DUSP16: variants seen among roughly 807,000 people sequenced by gnomAD.
DUSP16 encodes the protein dual specificity phosphatase 16, also known as dual specificity protein phosphatase 16.
DUSP16 carries 21 observed loss-of-function variants against 58.3 expected under a neutral mutation model. That is an observed-to-expected ratio of 0.36 (90% CI 0.26 to 0.52). DUSP16 has a LOEUF of 0.52. Ranked by LOEUF, DUSP16 falls within the 20% of genes least tolerant of loss-of-function variation. The pLI is 0.94. For synonymous variants in DUSP16, 320 were observed against 323.8 expected, an observed-to-expected ratio of 0.99 and a Z score of 0.12; for missense variants, 726 against 819.0, an observed-to-expected ratio of 0.89 and a Z score of 1.39.
In DUSP16 at chr12:12,520,859, G is replaced by A. The variant is rs758698676; in HGVS notation, c.228+12C>T. On this transcript the variant is annotated intron_variant, in intron 2 of 6. Coordinates refer to ENST00000298573, the MANE Select transcript of DUSP16 (RefSeq NM_030640.3). ...CCATTTATTTTGAAAAGGCAAAAAG[G>A]AAAGCGTTTACCTTATGTTTCGCTG... is the stretch of plus-strand genomic sequence containing the variant. The A allele has an allele frequency of 6.2e-7, 1 of 1,613,142 alleles. No individual in the cohort carries two copies. Among genetic ancestry groups the A allele is most frequent in the Non-Finnish European group, 8.5e-7 (1 of 1,179,332 alleles).
intron 1 of DUSP16, among the ~76,000 whole-genome samples, chr12:12,526,827 C>T (rs1013649124): frequency 2.0e-5 from 3 of 152,054 alleles, no homozygotes; most frequent in African/African-American, 4.8e-5. Flanking sequence ...TTCTTTCTAC[C>T]CATGGGTTAT....
At chr12:12,530,169 C>G (rs916482034) in intron 1 of DUSP16, among the ~76,000 whole-genome samples, 1 of 152,070 alleles carries the variant, frequency 6.6e-6, no homozygotes, top group Non-Finnish European at 1.5e-5. Flanking sequence ...ACATCCTTAC[C>G]AACACTGATC....
intron 6 of DUSP16, among the ~76,000 whole-genome samples, chr12:12,478,921 T>G (rs1265226480): frequency 2.0e-5 from 3 of 152,254 alleles, no homozygotes; most frequent in African/African-American, 7.2e-5. Context: ...GCTTATGCAC[T>G]GAATCATCAT....
intron 4 of DUSP16, among the ~76,000 whole-genome samples, chr12:12,492,099 C>T (rs1943768537): frequency 2.0e-5 from 3 of 152,344 alleles, no homozygotes; most frequent in East Asian, 3.9e-4. Flanking sequence ...ACCTAGTCAG[C>T]ACTGCCCATG....
intron 5 of DUSP16, among the ~76,000 whole-genome samples, chr12:12,481,939 C>T (rs1026536144): frequency 6.6e-6 from 1 of 152,186 alleles, no homozygotes; most frequent in African/African-American, 2.4e-5. Flanking sequence ...AGTAGCAATT[C>T]AGACTTTTTG....
intron 5 of DUSP16, among the ~76,000 whole-genome samples, chr12:12,481,461 C>T (rs1290219608): frequency 6.6e-6 from 1 of 152,170 alleles, no homozygotes; most frequent in African/African-American, 2.4e-5. Flanking sequence ...TACCAAAAGT[C>T]TACTGAACCT....
chr12:12,560,336 C>T (rs1383851579), intron 1 of DUSP16, among the ~76,000 whole-genome samples: 1 of 152,088 alleles, frequency 6.6e-6, no homozygotes, highest in Non-Finnish European at 1.5e-5. Flanking sequence ...TTCACACTAA[C>T]AAAATTCAAA....
intron 4 of DUSP16, 134 bp from the exon 5 acceptor site, chr12:12,487,321 C>A: frequency 1.0e-6 from 1 of 997,990 alleles, no homozygotes; most frequent in Non-Finnish European, 1.4e-6. Context: ...TCAGTGAAGT[C>A]CAAAAACCTA....
At chr12:12,560,785 T>C (rs1000896797) in intron 1 of DUSP16, 8 of 152,204 alleles carry the variant, frequency 5.3e-5, no homozygotes, top group Admixed American at 3.9e-4. Context: ...AAAAAGCCCT[T>C]TTCTTGATGG....
At chr12:12,514,621 A>G (rs141195815) in intron 3 of DUSP16, among the ~76,000 whole-genome samples, 7 of 152,292 alleles carry the variant, frequency 4.6e-5, no homozygotes, top group African/African-American at 1.4e-4. Flanking sequence ...GGCCCGGCAC[A>G]TGGCATAGAG....
chr12:12,545,254 T>C (rs1260448577), intron 1 of DUSP16, among the ~76,000 whole-genome samples: 1 of 152,130 alleles, frequency 6.6e-6, no homozygotes, highest in Non-Finnish European at 1.5e-5. Flanking sequence ...CATCCAGTAA[T>C]CTTACTAAAT....
At position 12,500,654 on chromosome 12, in the gene DUSP16, G is replaced by C; in HGVS notation, c.396C>G (p.Phe132Leu). The C allele has an allele frequency of 6.2e-7, 1 of 1,600,910 alleles. No homozygotes were observed. The highest frequency in any genetic ancestry group is 2.3e-5 in the East Asian group (1 of 44,058). ...AGGFAEFSRCFPGLCEGKSTL... is the reference protein window; with the variant it reads ...AGGFAEFSRCLPGLCEGKSTL... ...TGGATTTTCCTTCACAGAGGCCAGGGAAACAACGAGAGAACTCAGCAAACC... is the reference window on the plus strand; with the variant it reads ...TGGATTTTCCTTCACAGAGGCCAGGCAAACAACGAGAGAACTCAGCAAACC... The change falls in exon 4 of 7, where the codon TTC (phenylalanine) becomes TTG (leucine). Residue 132 changes from phenylalanine to leucine, a missense_variant. Transcript: ENST00000298573.
In DUSP16 at chr12:12,555,318, T is replaced by G. The variant is rs142237031; in HGVS notation, c.-366+6799A>C. 4.4e-3 allele frequency among the ~76,000 whole-genome samples: 664 copies of G among 152,252 alleles called. 6 individuals are homozygous for G. Among genetic ancestry groups the G allele is most frequent in the African/African-American group, 0.014 (594 of 41,546 alleles). On this transcript the variant is annotated intron_variant, in intron 1 of 6. Transcript: ENST00000298573. Reference sequence around the variant, plus strand: ...TGCCCAAGACTATAAGTCAACCCCTTGCAAACTGCAACTCAAAGCTCAAAA... The same window carrying G: ...TGCCCAAGACTATAAGTCAACCCCTGGCAAACTGCAACTCAAAGCTCAAAA...
At chr12:12,488,867 G>C (rs1016039472) in intron 4 of DUSP16, among the ~76,000 whole-genome samples, 5 of 152,286 alleles carry the variant, frequency 3.3e-5, no homozygotes, top group African/African-American at 1.2e-4. Context: ...ATCACCTGAG[G>C]TCGGGAGTTT....
intron 3 of DUSP16, among the ~76,000 whole-genome samples, chr12:12,514,112 C>T (rs531598479): frequency 3.9e-4 from 60 of 152,058 alleles, no homozygotes; most frequent in African/African-American, 1.4e-3. Flanking sequence ...ATTTCACATC[C>T]ATTGTCTAAT....
At position 12,500,678 on chromosome 12, in the gene DUSP16, C is replaced by G. The variant is rs771043939; in HGVS notation, c.372G>C (p.Gly124=). The part of the protein sequence containing the change: ...SFNSVHLLAG[G]FAEFSRCFPG... ...GGAAACAACGAGAGAACTCAGCAAA[C>G]CCACCTAAGAATAAACATTATAAAA... Residue 124 remains glycine, a synonymous_variant, in exon 4 of 7, where the codon GGG becomes GGC. Coordinates refer to ENST00000298573, the MANE Select transcript of DUSP16 (RefSeq NM_030640.3). The G allele has an allele frequency of 1.3e-6, 2 of 1,574,308 alleles. No individual in the cohort carries two copies. The highest frequency in any genetic ancestry group is 2.4e-5 in the South Asian group (2 of 83,722).
chr12:12,500,536 G>C lies in DUSP16; in HGVS notation c.514C>G (p.Arg172Gly). ...GCACCCACCTTGTTGAGGACATCTCGCTGGCAGCCAAGATAAAGATTGGGA... is the reference window on the plus strand; with the variant it reads ...GCACCCACCTTGTTGAGGACATCTCCCTGGCAGCCAAGATAAAGATTGGGA... ...ILPNLYLGCQ[R>G]DVLNKELMQQ... Residue 172 changes from arginine (R) to glycine (G), a missense_variant, in exon 4 of 7, where the codon CGA becomes GGA. Coordinates refer to ENST00000298573, the MANE Select transcript of DUSP16 (RefSeq NM_030640.3). The C allele has an allele frequency of 1.2e-6, 2 of 1,609,308 alleles. No homozygotes were observed. Among genetic ancestry groups the C allele is most frequent in the Non-Finnish European group, 1.7e-6 (2 of 1,178,256 alleles).
At position 12,505,078 on chromosome 12, in the gene DUSP16, C is replaced by A. The variant is rs1943972710; in HGVS notation, c.368-4396G>T. Among the ~76,000 whole-genome samples, 3 of 152,178 alleles carry A rather than the reference C, an allele frequency of 2.0e-5. No homozygotes were observed. The South Asian group carries it at 6.2e-4, about 32-fold the overall frequency. ...GCTCTAAGCACTCTATAGGTATTTA[C>A]ACACTCTTACAGCTGCCCTATGAGA... On this transcript the variant is annotated intron_variant, in intron 3 of 6. Coordinates refer to ENST00000298573, the MANE Select transcript of DUSP16 (RefSeq NM_030640.3).
chr12:12,545,524 C>T lies in DUSP16; in HGVS notation c.-366+16593G>A, dbSNP rs562931913. Among the ~76,000 whole-genome samples the T allele has an allele frequency of 9.2e-5, 14 of 151,836 alleles. No individual in the cohort carries two copies. The South Asian group carries it at 2.1e-3, about 23-fold the overall frequency. The stretch of plus-strand genomic sequence containing the variant: ...CTCAAACTCCTGACCTCAGGTGATC[C>T]GCCCGCCTCAGCCTCCCAAAGTGCT... On this transcript the variant is annotated intron_variant, in intron 1 of 6. Transcript: ENST00000298573.
Sources: gnomAD v4.1 joint callset for allele counts (sites outside exome capture counted in the v4.1 genomes callset) on GRCh38, gnomAD v4.1.1 for gene constraint, MANE v1.5 for transcripts, NCBI Gene and HGNC (gene_info 2026-07-23, HGNC 2026-07-21) for gene names.